C10orf90: variants seen among roughly 807,000 people sequenced by gnomAD.
The protein encoded by C10orf90 is (E2-independent) E3 ubiquitin-conjugating enzyme FATS.
A neutral mutation model predicts 62.5 loss-of-function variants in C10orf90; 56 were observed. That is an observed-to-expected ratio of 0.90 (90% CI 0.72 to 1.12). C10orf90 has a LOEUF of 1.12. Ranked by LOEUF, C10orf90 falls within the 50% of genes most tolerant of loss-of-function variation. The pLI is 0.00. For missense variants in C10orf90, 970 were observed against 880.4 expected, an observed-to-expected ratio of 1.10 and a Z score of -1.29; for synonymous variants, 386 against 340.4, an observed-to-expected ratio of 1.13 and a Z score of -1.47.
At chr10:126,455,139 C>T (rs1188729661) in intron 7 of C10orf90, among the ~76,000 whole-genome samples, 1 of 152,150 alleles carries the variant, frequency 6.6e-6, no homozygotes, top group Non-Finnish European at 1.5e-5. Flanking sequence ...AGCTACACTA[C>T]CAGCTCCCAG....
chr10:126,576,695 AT>A (rs1373942583), intron 2 of C10orf90, among the ~76,000 whole-genome samples: 4,989 of 33,898 alleles, frequency 0.15, 1,001 homozygotes, highest in African/African-American at 0.32. Flanking sequence ...ATATACATGT[AT>A]ATGTATATGT....
At position 126,573,221 on chromosome 10, in the gene C10orf90, C is replaced by G. The variant is rs575321086; in HGVS notation, c.314-59282G>C. 3.9e-5 allele frequency among the ~76,000 whole-genome samples: 6 copies of G among 152,234 alleles called. No homozygotes were observed. The South Asian group carries it at 1.2e-3, about 32-fold the overall frequency. The stretch of plus-strand genomic sequence containing the variant: ...GATTGAGCAAGCAGGCGGTACGTGA[C>G]TGGAGGCTGCATGCACCTGCACTGG... On this transcript the variant is annotated intron_variant, in intron 2 of 9. Coordinates refer to ENST00000488181, the MANE Select transcript of C10orf90 (RefSeq NM_001350921.2).
intron 7 of C10orf90, among the ~76,000 whole-genome samples, chr10:126,442,756 C>A (rs1307268509): frequency 7.0e-6 from 1 of 143,306 alleles, no homozygotes; most frequent in East Asian, 2.1e-4. Flanking sequence ...GACCATATGA[C>A]AGGCTACAAA....
intron 2 of C10orf90, among the ~76,000 whole-genome samples, chr10:126,606,872 C>T (rs1284620195): frequency 6.6e-6 from 1 of 152,112 alleles, no homozygotes; most frequent in Non-Finnish European, 1.5e-5. Flanking sequence ...ACTGATGATC[C>T]TCATGACATC....
In C10orf90 at chr10:126,461,534, C is replaced by G. The variant is rs1238405297; in HGVS notation, c.1877G>C (p.Ser626Thr). Residue 626 changes from serine (S) to threonine (T), a missense_variant, in exon 6 of 10, where the codon AGT becomes ACT. Coordinates refer to ENST00000488181, the MANE Select transcript of C10orf90 (RefSeq NM_001350921.2). ...GGGCTCAGGTGTGGTGGGGTCCTCA[C>G]TCTTCTTACATTCCTTTATTTTTAC... The part of the protein sequence containing the change: ...LVVKIKECKK[S>T]EDPTTPEPSP... The G allele has an allele frequency of 6.2e-7, 1 of 1,613,984 alleles. No homozygotes were observed. The highest frequency in any genetic ancestry group is 1.7e-5 in the Admixed American group (1 of 59,974).
intron 2 of C10orf90, among the ~76,000 whole-genome samples, chr10:126,528,630 G>A (rs918233333): frequency 2.6e-5 from 4 of 152,204 alleles, no homozygotes; most frequent in Admixed American, 6.5e-5. Flanking sequence ...GCTCCACCAC[G>A]GCCCAGCACT....
chr10:126,668,236 A>C (rs1393351944), intron 1 of C10orf90, among the ~76,000 whole-genome samples: 1 of 152,222 alleles, frequency 6.6e-6, no homozygotes, highest in Admixed American at 6.5e-5. Context: ...TTGCCAGATA[A>C]CCAGCCAGTT....
chr10:126,565,014 ATATATATTATATATT>A (rs1844298481), intron 2 of C10orf90, among the ~76,000 whole-genome samples: 2 of 15,006 alleles, frequency 1.3e-4, no homozygotes, highest in African/African-American at 1.9e-4. Context: ...AATATATATA[ATATATATTATATATT>A]ATATAAAATA....
chr10:126,479,249 A>T (rs1052498700), intron 4 of C10orf90, among the ~76,000 whole-genome samples: 28 of 152,240 alleles, frequency 1.8e-4, no homozygotes, highest in African/African-American at 6.3e-4. Context: ...TGGGCTTCCC[A>T]TGGAGCTGGG....
rs538443729 is a variant in C10orf90 at position 126,425,929 on chromosome 10, C to T, written c.2353-27G>A. 9 of 1,614,050 alleles carry T rather than the reference C, an allele frequency of 5.6e-6. No homozygotes were observed. The African/African-American group carries it at 1.2e-4, about 22-fold the overall frequency. Reference sequence around the variant, plus strand: ...TAGAGGAAAAGGGAAACAAAGATGTCAAGTTGAGATTCGGCATCTGTGCAC... The same window carrying T: ...TAGAGGAAAAGGGAAACAAAGATGTTAAGTTGAGATTCGGCATCTGTGCAC... On this transcript the variant is annotated intron_variant, in intron 9 of 9. Coordinates refer to ENST00000488181, the MANE Select transcript of C10orf90 (RefSeq NM_001350921.2).
At chr10:126,440,930 C>T (rs1314957098) in intron 7 of C10orf90, among the ~76,000 whole-genome samples, 3 of 152,160 alleles carry the variant, frequency 2.0e-5, no homozygotes, top group African/African-American at 7.2e-5. Flanking sequence ...CAGAGCCTAC[C>T]CACATGAAAA....
At chr10:126,477,116 TTTGG>T (rs1860929315) in intron 4 of C10orf90, among the ~76,000 whole-genome samples, 2 of 94,962 alleles carry the variant, frequency 2.1e-5, no homozygotes, top group Non-Finnish European at 4.2e-5. Flanking sequence ...TTTTTTTTTT[TTTGG>T]ATTTTTGGAG....
chr10:126,589,902 A>G (rs1034762432), intron 2 of C10orf90, among the ~76,000 whole-genome samples: 7 of 152,148 alleles, frequency 4.6e-5, no homozygotes, highest in Non-Finnish European at 4.4e-5. Context: ...AAGACACAGA[A>G]TGGCAAGATT....
At position 126,607,408 on chromosome 10, in the gene C10orf90, A is replaced by G. The variant is rs556645787; in HGVS notation, c.313+39157T>C. Among the ~76,000 whole-genome samples the G allele has an allele frequency of 8.5e-5, 13 of 152,338 alleles. No homozygotes were observed. In the East Asian group the frequency reaches 2.5e-3, roughly 29 times the overall value. ...AACACCACTTTAACTTGAAAGAAAT[A>G]CTAACAAACTATGGTTTCTCAGGCA... On this transcript the variant is annotated intron_variant, in intron 2 of 9. Transcript: ENST00000488181.
rs1052653458 is a variant in C10orf90 at position 126,425,677 on chromosome 10, C to T, written c.*187G>A. The T allele has an allele frequency of 1.6e-4, 101 of 618,832 alleles. 1 individual carries two copies. The African/African-American group carries it at 1.7e-3, about 10-fold the overall frequency. The allele number at this position is 618,832 out of a possible 1,614,324, so 38.3% of individuals were successfully genotyped here. On this transcript the variant is annotated 3_prime_UTR_variant, in exon 10 of 10. Coordinates refer to ENST00000488181, the MANE Select transcript of C10orf90 (RefSeq NM_001350921.2). ...ACAACAGATTGTTGACCTATTTTCT[C>T]GAGGGTTATTGTTTCTGTTTGGCTT...
At chr10:126,583,075 G>A (rs1429952921) in intron 2 of C10orf90, among the ~76,000 whole-genome samples, 1 of 152,158 alleles carries the variant, frequency 6.6e-6, no homozygotes, top group African/African-American at 2.4e-5. Context: ...CGGGACACCA[G>A]TAAACCTCAC....
intron 2 of C10orf90, among the ~76,000 whole-genome samples, chr10:126,587,798 AG>A (rs1210138504): frequency 6.6e-6 from 1 of 152,248 alleles, no homozygotes; most frequent in Non-Finnish European, 1.5e-5. Flanking sequence ...TGATTTTTTA[AG>A]TACTCAACCA....
chr10:126,609,959 G>A (rs1166994398), intron 2 of C10orf90, among the ~76,000 whole-genome samples: 2 of 152,174 alleles, frequency 1.3e-5, no homozygotes, highest in Non-Finnish European at 2.9e-5. Flanking sequence ...CGCTCACATT[G>A]GACCTGTACC....
chr10:126,429,113 C>T (rs1202120909), intron 8 of C10orf90, among the ~76,000 whole-genome samples: 1 of 152,132 alleles, frequency 6.6e-6, no homozygotes, highest in African/African-American at 2.4e-5. Context: ...TGACATTTTA[C>T]TTGCATGAAC....
Sources: gnomAD v4.1 joint callset for allele counts (sites outside exome capture counted in the v4.1 genomes callset) on GRCh38, gnomAD v4.1.1 for gene constraint, MANE v1.5 for transcripts, NCBI Gene and HGNC (gene_info 2026-07-23, HGNC 2026-07-21) for gene names.